Variants in WWOX observed in about 807,000 individuals in gnomAD.
WWOX encodes the protein WW domain containing oxidoreductase.
WWOX carries 69 observed loss-of-function variants against 46.2 expected under a neutral mutation model. The ratio of observed to expected loss-of-function variants is 1.49; its 90% CI spans 1.23 to 1.82. The LOEUF (loss-of-function observed/expected upper bound fraction) is 1.82, where lower values mean the gene tolerates loss of function less well. Among genes scored for constraint, WWOX ranks in the 40% most tolerant of loss-of-function variants. The pLI, the probability that WWOX is intolerant of heterozygous loss-of-function variation, is 0.00. For missense variants in WWOX, 919 were observed against 542.6 expected, an observed-to-expected ratio of 1.69 and a Z score of -6.89; for synonymous variants, 359 against 202.6, an observed-to-expected ratio of 1.77 and a Z score of -6.56.
At chr16:78,930,239 C>T (rs1287084504) in intron 8 of WWOX, among the ~76,000 whole-genome samples, 1 of 123,710 alleles carries the variant, frequency 8.1e-6, no homozygotes, top group Non-Finnish European at 1.7e-5. Context: ...TCCTTCCTTC[C>T]TTCCTTCCTT....
At chr16:78,200,343 G>T (rs745594178) in intron 5 of WWOX, among the ~76,000 whole-genome samples, 1 of 140,026 alleles carries the variant, frequency 7.1e-6, no homozygotes, top group Non-Finnish European at 1.5e-5. Context: ...GTCTATAAAG[G>T]TTGGGGCATT....
At chr16:78,658,187 G>A (rs1301855369) in intron 8 of WWOX, among the ~76,000 whole-genome samples, 3 of 152,086 alleles carry the variant, frequency 2.0e-5, no homozygotes, top group Non-Finnish European at 4.4e-5. Context: ...TACCCCTGGG[G>A]AACAAAATCA....
chr16:78,213,528 G>A (rs1483335386), intron 5 of WWOX, among the ~76,000 whole-genome samples: 2 of 151,808 alleles, frequency 1.3e-5, no homozygotes, highest in Non-Finnish European at 1.5e-5. Flanking sequence ...TGCCATAGTG[G>A]CAATGCGAAT....
rs777394763 is a variant in WWOX, at chr16:78,702,124, T to TATATATATATATATA, written c.1056+269372_1056+269373insATATATATATATATA. Among the ~76,000 whole-genome samples, 244 of 105,500 alleles carry TATATATATATATATA rather than the reference T, an allele frequency of 2.3e-3. 3 individuals carry two copies. The highest frequency in any genetic ancestry group is 0.01 in the African/African-American group (203 of 20,226). 69.2% of individuals were successfully genotyped at this position (105,500 alleles called of 152,430 possible). A position where few individuals can be genotyped will look rare whatever the true frequency, so the allele number is the denominator to read the frequency against. On this transcript the variant is annotated intron_variant, in intron 8 of 8. Transcript: ENST00000566780. ...GTTATATATATATATATATATATAT[T>TATATATATATATATA]TATTTATTTTCAAGACATGGTGGCA...
intron 8 of WWOX, among the ~76,000 whole-genome samples, chr16:78,478,860 T>A (rs1414582320): frequency 6.6e-6 from 1 of 152,238 alleles, no homozygotes; most frequent in East Asian, 1.9e-4. Flanking sequence ...GGACAAGCCC[T>A]TTCTGAATAA....
chr16:78,580,350 C>T (rs576323923), intron 8 of WWOX, among the ~76,000 whole-genome samples: 17 of 152,214 alleles, frequency 1.1e-4, no homozygotes, highest in African/African-American at 3.4e-4. Context: ...TTGGAATATC[C>T]GGTGTGAGCC....
intron 8 of WWOX, among the ~76,000 whole-genome samples, chr16:79,211,291 C>CATCTT (rs2051736104): frequency 6.6e-6 from 1 of 152,088 alleles, no homozygotes; most frequent in Non-Finnish European, 1.5e-5. Context: ...AGAAGGATAC[C>CATCTT]ATCTTTTTCT....
At chr16:78,330,669 A>G (rs1483441662) in intron 5 of WWOX, among the ~76,000 whole-genome samples, 1 of 152,242 alleles carries the variant, frequency 6.6e-6, no homozygotes, top group Non-Finnish European at 1.5e-5. Context: ...TGCTGGGATT[A>G]TAGGCGTGAA....
chr16:78,323,502 C>G (rs116756491), intron 5 of WWOX, among the ~76,000 whole-genome samples: 9 of 151,974 alleles, frequency 5.9e-5, no homozygotes, highest in African/African-American at 2.2e-4. Context: ...CTTTTTCTAC[C>G]CTCCTCTTTG....
rs2051768053 is a variant in WWOX, at chr16:79,211,838, G to C, written c.*42G>C. 6.2e-7 allele frequency: 1 copy of C among 1,612,370 alleles called. No homozygotes were observed. The stretch of plus-strand genomic sequence containing the variant: ...ATGGGCACACACACCCGCCCTGTGT[G>C]TGTCCCCTCACGCAAGTGCCAGGGC... On this transcript the variant is annotated 3_prime_UTR_variant, in exon 9 of 9. Coordinates refer to ENST00000566780, the MANE Select transcript of WWOX (RefSeq NM_016373.4).
intron 8 of WWOX, among the ~76,000 whole-genome samples, chr16:79,208,502 A>C (rs1328118283): frequency 6.6e-6 from 1 of 152,190 alleles, no homozygotes; most frequent in African/African-American, 2.4e-5. Context: ...ATTGCTTCAG[A>C]TATTTTATAA....
chr16:79,192,919 C>G (rs1425349961), intron 8 of WWOX, among the ~76,000 whole-genome samples: 1 of 152,188 alleles, frequency 6.6e-6, no homozygotes, highest in East Asian at 1.9e-4. Context: ...GTCACTGGTA[C>G]AGTGGTTGAA....
chr16:78,542,120 A>G (rs1400231215), intron 8 of WWOX, among the ~76,000 whole-genome samples: 4 of 150,922 alleles, frequency 2.7e-5, no homozygotes, highest in African/African-American at 9.7e-5. Context: ...CTTCTTGGAG[A>G]AACCTCCCAA....
intron 8 of WWOX, among the ~76,000 whole-genome samples, chr16:79,039,003 G>C (rs2047921349): frequency 6.6e-6 from 1 of 152,040 alleles, no homozygotes; most frequent in Non-Finnish European, 1.5e-5. Context: ...CCACAAATGG[G>C]AGTTTTAATA....
At chr16:78,370,612 ATCT>A (rs1168400603) in intron 5 of WWOX, among the ~76,000 whole-genome samples, 1 of 151,658 alleles carries the variant, frequency 6.6e-6, no homozygotes, top group East Asian at 1.9e-4. Flanking sequence ...TTATTTTTTA[ATCT>A]TCTTATTGTG....
chr16:78,479,779 G>A (rs1327371911), intron 8 of WWOX, among the ~76,000 whole-genome samples: 2 of 152,180 alleles, frequency 1.3e-5, no homozygotes, highest in African/African-American at 4.8e-5. Flanking sequence ...CAGGATTCAT[G>A]GAGTTTTCCA....
intron 8 of WWOX, among the ~76,000 whole-genome samples, chr16:78,950,527 CACACAT>C (rs954546928): frequency 3.5e-5 from 3 of 85,526 alleles, no homozygotes; most frequent in Non-Finnish European, 4.7e-5. Flanking sequence ...AACACACACA[CACACAT>C]ACACACACAC....
chr16:78,753,750 A>G (rs1463829238), intron 8 of WWOX, among the ~76,000 whole-genome samples: 1 of 145,744 alleles, frequency 6.9e-6, no homozygotes, highest in Non-Finnish European at 1.5e-5. Context: ...TGTAGTGAGC[A>G]AAGATCACAC....
chr16:78,359,052 G>A (rs969763155), intron 5 of WWOX, among the ~76,000 whole-genome samples: 17 of 151,946 alleles, frequency 1.1e-4, no homozygotes, highest in African/African-American at 4.1e-4. Flanking sequence ...TGGTTTACCT[G>A]GGCTAAATAA....
Sources: allele counts gnomAD v4.1 joint callset (sites outside exome capture counted in the v4.1 genomes callset), GRCh38; gene constraint gnomAD v4.1.1; transcripts MANE v1.5; gene names NCBI Gene and HGNC (gene_info 2026-07-23, HGNC 2026-07-21).